MUSK: variants seen among roughly 807,000 people sequenced by gnomAD.
MUSK encodes muscle, skeletal receptor tyrosine-protein kinase.
MUSK carries 55 observed loss-of-function variants against 88.7 expected under a neutral mutation model. The observed-to-expected ratio is 0.62, with a 90% CI of 0.50 to 0.78. The LOEUF (loss-of-function observed/expected upper bound fraction) is 0.78, where lower values mean the gene tolerates loss of function less well. Among genes scored for constraint, MUSK ranks in the 30% least tolerant of loss-of-function variants. The pLI is 0.00. For synonymous variants in MUSK, 387 were observed against 391.9 expected (o/e 0.99, Z 0.15); for missense variants, 1,015 against 1,074.3 (o/e 0.94, Z 0.77).
chr9:110,674,635 G>A (rs906310014), intron 1 of MUSK, among the ~76,000 whole-genome samples: 41 of 152,208 alleles, frequency 2.7e-4, no homozygotes, highest in South Asian at 6.2e-4. Context: ...TAGAGATAGA[G>A]TCTTGCTCTG....
intron 6 of MUSK, among the ~76,000 whole-genome samples, chr9:110,744,312 G>C (rs1030938883): frequency 6.6e-6 from 1 of 152,172 alleles, no homozygotes; most frequent in African/African-American, 2.4e-5. Context: ...CAGCCAGCTG[G>C]AACTATCTGC....
At chr9:110,763,447 T>A (rs912012581) in intron 8 of MUSK, among the ~76,000 whole-genome samples, 2 of 152,172 alleles carry the variant, frequency 1.3e-5, no homozygotes, top group Non-Finnish European at 2.9e-5. Context: ...ACCCTCCTTC[T>A]GAAAAAAACA....
intron 8 of MUSK, among the ~76,000 whole-genome samples, chr9:110,764,619 ATAGATAGATAG>A: frequency 6.8e-6 from 1 of 146,584 alleles, no homozygotes; most frequent in South Asian, 2.2e-4. Context: ...AGATAGATAG[ATAGATAGATAG>A]ATAGATAGGT....
chr9:110,686,228 C>T (rs912704809), intron 2 of MUSK, among the ~76,000 whole-genome samples: 1 of 152,100 alleles, frequency 6.6e-6, no homozygotes, highest in Admixed American at 6.5e-5. Flanking sequence ...ACTCTGACCT[C>T]TGCCTCCATT....
At position 110,668,823 on chromosome 9, in the gene MUSK, T is replaced by C. The variant is rs41279047; in HGVS notation, c.-82T>C. Reference sequence around the variant, plus strand: ...AGCAGACAACCCTTTTGCAACAAAGTATGCTTTAAAATGTAAACTGTGGAG... The same window carrying C: ...AGCAGACAACCCTTTTGCAACAAAGCATGCTTTAAAATGTAAACTGTGGAG... On this transcript the variant is annotated 5_prime_UTR_variant, in exon 1 of 15. Transcript: ENST00000374448. The C allele has an allele frequency of 0.017, 18,738 of 1,082,916 alleles. 288 individuals carry two copies. The highest frequency in any genetic ancestry group is 0.017 in the Non-Finnish European group (12,093 of 703,524). 67.1% of individuals were successfully genotyped at this position (1,082,916 alleles called of 1,614,324 possible).
intron 7 of MUSK, chr9:110,761,947 G>C (rs1014184986): frequency 1.0e-6 from 1 of 983,756 alleles, no homozygotes; most frequent in East Asian, 1.1e-4. Flanking sequence ...TATTGCCTTG[G>C]TGGATGTTAC....
At chr9:110,714,995 A>G (rs1326693261) in intron 5 of MUSK, among the ~76,000 whole-genome samples, 1 of 150,400 alleles carries the variant, frequency 6.6e-6, no homozygotes, top group Admixed American at 6.6e-5. Context: ...CAAATAATTC[A>G]GTTTATGAAA....
intron 1 of MUSK, among the ~76,000 whole-genome samples, chr9:110,670,031 C>A (rs1013435637): frequency 2.0e-5 from 3 of 152,114 alleles, no homozygotes; most frequent in African/African-American, 7.2e-5. Context: ...ACTAAAAATT[C>A]TGGAGCCATA....
At position 110,682,689 on chromosome 9, in the gene MUSK, C is replaced by T. The variant is rs1248339762; in HGVS notation, c.95C>T (p.Thr32Ile). 1 of 1,612,412 alleles carries T rather than the reference C, an allele frequency of 6.2e-7. No homozygotes were observed. Among genetic ancestry groups the T allele is most frequent in the Non-Finnish European group, 8.5e-7 (1 of 1,178,866 alleles). The change falls in exon 2 of 15, where the codon ACT becomes ATT. Residue 32 changes from threonine to isoleucine, a missense_variant. By Grantham distance (89) the Thr-to-Ile change is moderately conservative. Coordinates refer to ENST00000374448, the MANE Select transcript of MUSK (RefSeq NM_005592.4). The stretch of plus-strand genomic sequence containing the variant: ...TTCCTTTCAGCTCCTGTCATCACCA[C>T]TCCTCTTGAAACAGTGGATGCCTTA... ...EKLPKAPVIT[T>I]PLETVDALVE...
intron 9 of MUSK, among the ~76,000 whole-genome samples, chr9:110,772,608 C>T (rs1350389223): frequency 1.3e-5 from 2 of 151,694 alleles, no homozygotes; most frequent in African/African-American, 4.8e-5. Context: ...TAGTCTCTTC[C>T]ATTAACATAC....
chr9:110,681,352 A>G (rs2076134749), intron 1 of MUSK, among the ~76,000 whole-genome samples: 1 of 150,108 alleles, frequency 6.7e-6, no homozygotes, highest in South Asian at 2.1e-4. Context: ...GGCCTTATAA[A>G]TACAGTTTTG....
chr9:110,676,862 G>T (rs1317551107), intron 1 of MUSK, among the ~76,000 whole-genome samples: 1 of 152,082 alleles, frequency 6.6e-6, no homozygotes, highest in East Asian at 1.9e-4. Flanking sequence ...GTGAACATAG[G>T]TGTGCATGTA....
chr9:110,787,583 C>G (rs2077894960), intron 13 of MUSK, 107 bp from the exon 14 acceptor site: 1 of 1,139,136 alleles, frequency 8.8e-7, no homozygotes, highest in Non-Finnish European at 1.2e-6. Context: ...TGAGACTTAA[C>G]CAGCCTTTTA....
At chr9:110,762,070 G>T (rs1002192137) in intron 7 of MUSK, 132 bp from the exon 8 acceptor site, 2 of 1,034,166 alleles carry the variant, frequency 1.9e-6, no homozygotes, top group Non-Finnish European at 1.3e-6. Context: ...CAGAAGCGGA[G>T]AACTTTTCAG....
chr9:110,774,490 G>C (rs2077634335), intron 9 of MUSK, among the ~76,000 whole-genome samples: 1 of 152,018 alleles, frequency 6.6e-6, no homozygotes, highest in South Asian at 2.1e-4. Context: ...AAATTTCCCA[G>C]GTATTTGCTT....
At chr9:110,678,772 A>C (rs934539424) in intron 1 of MUSK, among the ~76,000 whole-genome samples, 4 of 152,158 alleles carry the variant, frequency 2.6e-5, no homozygotes, top group South Asian at 2.1e-4. Flanking sequence ...AATATGTGTC[A>C]TCTATCAGGG....
intron 11 of MUSK, among the ~76,000 whole-genome samples, chr9:110,779,748 T>A (rs552558853): frequency 2.6e-5 from 4 of 152,298 alleles, no homozygotes; most frequent in Non-Finnish European, 5.9e-5. Context: ...TTTCCTTGAT[T>A]TTCTAATAAA....
chr9:110,758,966 C>T (rs1408607104), intron 7 of MUSK, among the ~76,000 whole-genome samples: 1 of 152,142 alleles, frequency 6.6e-6, no homozygotes, highest in Non-Finnish European at 1.5e-5. Context: ...CTTCACAGAA[C>T]TAGAAACAAA....
rs915964586 is a variant in MUSK at position 110,728,602 on chromosome 9, G to A, written c.629-5649G>A. On this transcript the variant is annotated intron_variant, in intron 5 of 14. Transcript: ENST00000374448. ...ATCTTGTTGCACAACTGATGTTTCT[G>A]TGGTCAAAGATTTCCCTTTTCATGA... is the stretch of plus-strand genomic sequence containing the variant. The A allele has an allele frequency of 8.3e-6, 7 of 841,096 alleles. No individual in the cohort carries two copies. In the South Asian group the frequency reaches 9.0e-5, roughly 11 times the overall value. The allele number at this position is 841,096 out of a possible 1,614,324, so 52.1% of individuals were successfully genotyped here. A position where few individuals can be genotyped will look rare whatever the true frequency, so the allele number is the denominator to read the frequency against.
Sources: allele counts gnomAD v4.1 joint callset (sites outside exome capture counted in the v4.1 genomes callset), GRCh38; gene constraint gnomAD v4.1.1; transcripts MANE v1.5; gene names NCBI Gene and HGNC (gene_info 2026-07-23, HGNC 2026-07-21).